PLD1: variants seen among roughly 807,000 people sequenced by gnomAD.
PLD1 encodes phospholipase D1, also known as choline phosphatase 1.
PLD1 carries 112 observed loss-of-function variants against 137.1 expected under a neutral mutation model. The observed-to-expected ratio is 0.82, with a 90% CI of 0.70 to 0.96. The LOEUF is 0.96. Ranked by LOEUF, PLD1 falls within the 40% of genes least tolerant of loss-of-function variation. The pLI, the probability that PLD1 is intolerant of heterozygous loss-of-function variation, is 0.00. For missense variants in PLD1, 1,321 were observed against 1,342.0 expected (o/e 0.98, Z 0.24); for synonymous variants, 431 against 454.7 (o/e 0.95, Z 0.66).
At chr3:171,780,759 G>A (rs1402740930) in intron 1 of PLD1, among the ~76,000 whole-genome samples, 1 of 152,176 alleles carries the variant, frequency 6.6e-6, no homozygotes, top group Non-Finnish European at 1.5e-5. Flanking sequence ...TTATGCAAAA[G>A]CCTAAAAAGT....
intron 20 of PLD1, among the ~76,000 whole-genome samples, chr3:171,659,542 T>C (rs1175188943): frequency 6.6e-6 from 1 of 152,222 alleles, no homozygotes; most frequent in Non-Finnish European, 1.5e-5. Flanking sequence ...ACTATATTAT[T>C]TCACCATGAG....
intron 13 of PLD1, among the ~76,000 whole-genome samples, chr3:171,690,571 T>C (rs1050274023): frequency 1.3e-5 from 2 of 152,226 alleles, no homozygotes; most frequent in African/African-American, 4.8e-5. Context: ...AAGTATTTTC[T>C]CTTTCCCTTG....
chr3:171,736,596 C>T (rs1398162053), intron 3 of PLD1, among the ~76,000 whole-genome samples: 2 of 152,140 alleles, frequency 1.3e-5, no homozygotes, highest in South Asian at 2.1e-4. Flanking sequence ...GGAGTCAGTA[C>T]ATGTGCAGGT....
intron 25 of PLD1, among the ~76,000 whole-genome samples, chr3:171,608,495 G>C (rs190706914): frequency 6.6e-6 from 1 of 152,292 alleles, no homozygotes; most frequent in Admixed American, 6.5e-5. Context: ...CTAATTTGAA[G>C]AAGTGGTATG....
chr3:171,732,719 C>A (rs1209986527), intron 6 of PLD1, among the ~76,000 whole-genome samples: 1 of 152,172 alleles, frequency 6.6e-6, no homozygotes, highest in Non-Finnish European at 1.5e-5. Context: ...CAAATGCATA[C>A]ATACATACGA....
chr3:171,606,136 T>C (rs1367166106), intron 25 of PLD1, among the ~76,000 whole-genome samples: 1 of 152,172 alleles, frequency 6.6e-6, no homozygotes, highest in Non-Finnish European at 1.5e-5. Flanking sequence ...GAGATGAAGA[T>C]AGAGCCAACA....
chr3:171,731,270 G>C (rs1381801496), intron 6 of PLD1, among the ~76,000 whole-genome samples: 1 of 152,080 alleles, frequency 6.6e-6, no homozygotes, highest in Non-Finnish European at 1.5e-5. Context: ...TTTTTTAACA[G>C]ATACTTTTTT....
intron 16 of PLD1, among the ~76,000 whole-genome samples, chr3:171,682,202 C>A (rs1714087092): frequency 2.7e-5 from 4 of 149,368 alleles, no homozygotes; most frequent in East Asian, 2.0e-4. Flanking sequence ...GAATAAAATT[C>A]AACACTTTAA....
chr3:171,682,114 A>C (rs1714033133), intron 16 of PLD1, among the ~76,000 whole-genome samples: 1 of 75,332 alleles, frequency 1.3e-5, no homozygotes, highest in African/African-American at 6.9e-5. Context: ...AAGAAAAAGA[A>C]AGAAAGAAAG....
At chr3:171,672,156 T>C (rs949613448) in intron 19 of PLD1, among the ~76,000 whole-genome samples, 3 of 152,176 alleles carry the variant, frequency 2.0e-5, no homozygotes, top group Non-Finnish European at 4.4e-5. Flanking sequence ...TGCTGGTCCT[T>C]ACTGTCACAC....
At chr3:171,759,240 G>C (rs770701989) in intron 1 of PLD1, among the ~76,000 whole-genome samples, 1 of 152,130 alleles carries the variant, frequency 6.6e-6, no homozygotes, top group Non-Finnish European at 1.5e-5. Flanking sequence ...ATTTTTGGCT[G>C]AGAGGTGCAG....
At chr3:171,688,651 T>C (rs762298405) in intron 14 of PLD1, 25 bp downstream of exon 14, 11 of 1,542,138 alleles carry the variant, frequency 7.1e-6, no homozygotes, top group Admixed American at 1.7e-5. Flanking sequence ...TGTTATACAT[T>C]TCCATAAAGG....
At chr3:171,790,233 G>T (rs138536304) in intron 1 of PLD1, among the ~76,000 whole-genome samples, 1 of 152,226 alleles carries the variant, frequency 6.6e-6, no homozygotes, top group Non-Finnish European at 1.5e-5. Flanking sequence ...GATCCAGCCT[G>T]CTCATGGTCT....
intron 1 of PLD1, among the ~76,000 whole-genome samples, chr3:171,744,696 A>G (rs1306706100): frequency 6.6e-6 from 1 of 152,238 alleles, no homozygotes; most frequent in Non-Finnish European, 1.5e-5. Context: ...ACAAAAACAC[A>G]TCTATAATGA....
At chr3:171,734,651 A>G (rs1719212332) in intron 5 of PLD1, among the ~76,000 whole-genome samples, 1 of 152,068 alleles carries the variant, frequency 6.6e-6, no homozygotes, top group Non-Finnish European at 1.5e-5. Context: ...TCAAGGCCTA[A>G]CCAAGAACGC....
chr3:171,762,516 G>A (rs1721472553), intron 1 of PLD1, among the ~76,000 whole-genome samples: 1 of 152,208 alleles, frequency 6.6e-6, no homozygotes, highest in Non-Finnish European at 1.5e-5. Context: ...ATTCTCAAGA[G>A]TGTGAACAGA....
At chr3:171,734,280 G>C (rs1422249467) in intron 5 of PLD1, among the ~76,000 whole-genome samples, 1 of 152,136 alleles carries the variant, frequency 6.6e-6, no homozygotes, top group Non-Finnish European at 1.5e-5. Flanking sequence ...TTACAAAACA[G>C]AACTGACAGA....
chr3:171,735,894 T>C (rs1486198358), intron 3 of PLD1, among the ~76,000 whole-genome samples: 1 of 152,192 alleles, frequency 6.6e-6, no homozygotes, highest in Non-Finnish European at 1.5e-5. Context: ...TCCTCCAACA[T>C]ATGTGCGTGT....
At chr3:171,625,984 G>A (rs1054214595) in intron 23 of PLD1, among the ~76,000 whole-genome samples, 2 of 152,172 alleles carry the variant, frequency 1.3e-5, no homozygotes, top group Non-Finnish European at 2.9e-5. Flanking sequence ...CACCAGCAAC[G>A]GAACAAAGCT....
Sources: gnomAD v4.1 joint callset for allele counts (sites outside exome capture counted in the v4.1 genomes callset) on GRCh38, gnomAD v4.1.1 for gene constraint, MANE v1.5 for transcripts, NCBI Gene and HGNC (gene_info 2026-07-23, HGNC 2026-07-21) for gene names.